GPI: variants seen among roughly 807,000 people sequenced by gnomAD.
GPI encodes the protein glucose-6-phosphate isomerase, also known as D-hexose-6-phosphate anomerase.
In GPI, 56 loss-of-function variants were observed where a neutral mutation model predicts 75.8. That is an observed-to-expected ratio of 0.74 (90% CI 0.60 to 0.92). The LOEUF (loss-of-function observed/expected upper bound fraction) is 0.92. Ranked by LOEUF, GPI falls within the 40% of genes least tolerant of loss-of-function variation. GPI has a pLI of 0.00. For synonymous variants in GPI, 288 were observed against 285.4 expected (o/e 1.01, Z -0.09); for missense variants, 638 against 741.0 (o/e 0.86, Z 1.61).
chr19:34,378,894 C>G (rs770603714), intron 6 of GPI, 40 bp from the exon 7 acceptor site: 2 of 1,535,234 alleles, frequency 1.3e-6, no homozygotes, highest in African/African-American at 2.7e-5. Flanking sequence ...TGCACCCACC[C>G]CTAAGCTCGG....
chr19:34,364,310 A>T (rs1392224844), upstream of GPI, among the ~76,000 whole-genome samples: 1 of 151,744 alleles, frequency 6.6e-6, no homozygotes, highest in Non-Finnish European at 1.5e-5. Flanking sequence ...AGGAGTGCCC[A>T]GCCCCAGAGT....
At chr19:34,363,969 C>T (rs934535281), upstream of GPI, among the ~76,000 whole-genome samples, 1 of 152,168 alleles carries the variant, frequency 6.6e-6, no homozygotes, top group Non-Finnish European at 1.5e-5. Context: ...CCTGGAAAGT[C>T]CTGTGACCCC....
At position 34,399,927 on chromosome 19, in the gene GPI, A is replaced by G. The variant is rs533633100; in HGVS notation, c.1568A>G (p.Lys523Arg). 6.2e-7 allele frequency: 1 copy of G among 1,613,986 alleles called. No individual in the cohort carries two copies. The highest frequency in any genetic ancestry group is 8.5e-7 in the Non-Finnish European group (1 of 1,179,986). Residue 523 changes from lysine (K) to arginine (R), a missense_variant, in exon 18 of 18, where the codon AAG (lysine) becomes AGG (arginine). Physicochemically the swap from Lys to Arg is conservative, Grantham distance 26. Transcript: ENST00000356487. ...GTGGAGCTGGGAAAGCAGCTGGCTA[A>G]GAAAATAGAGCCTGAGCTTGATGGC... Reference protein sequence around the residue: ...WGVELGKQLAKKIEPELDGSA... With the variant: ...WGVELGKQLARKIEPELDGSA...
chr19:34,399,878 C>T (rs1479155829), intron 17 of GPI, 23 bp from the exon 18 acceptor site: 11 of 1,610,150 alleles, frequency 6.8e-6, no homozygotes, highest in Non-Finnish European at 9.3e-6. Flanking sequence ...TACCACTCTT[C>T]CCTTCCCTTC....
At chr19:34,369,149 AG>A (rs1485332255) in intron 4 of GPI, among the ~76,000 whole-genome samples, 12 of 151,714 alleles carry the variant, frequency 7.9e-5, no homozygotes. Context: ...CCTGGATTCA[AG>A]CTATTCTCCT....
intron 9 of GPI, 186 bp downstream of exon 9, chr19:34,381,705 C>T: frequency 1.5e-6 from 1 of 664,268 alleles, no homozygotes; most frequent in Non-Finnish European, 2.7e-6. Context: ...GAGGGCTCCA[C>T]TTCCACCTGA....
intron 9 of GPI, among the ~76,000 whole-genome samples, chr19:34,384,016 G>C (rs1199625485): frequency 6.6e-6 from 1 of 152,206 alleles, no homozygotes; most frequent in Admixed American, 6.5e-5. Flanking sequence ...TGGGTTTCTA[G>C]GGGAGGCCTG....
At position 34,394,720 on chromosome 19, in the gene GPI, C is replaced by CT. The variant is rs905606438; in HGVS notation, c.1062+666dup. Among the ~76,000 whole-genome samples the CT allele has an allele frequency of 3.7e-3, 537 of 144,680 alleles. 1 individual carries two copies. The highest frequency in any genetic ancestry group is 0.011 in the African/African-American group (434 of 39,650). 94.9% of individuals were successfully genotyped at this position (144,680 alleles called of 152,430 possible). On this transcript the variant is annotated intron_variant, in intron 12 of 17. Transcript: ENST00000356487. ...GAAAGCTTTTCCACACCTGTCCCTGCTTTTTTTTTTTTGAACAGATTCTCA... is the reference window on the plus strand; with the variant it reads ...GAAAGCTTTTCCACACCTGTCCCTGCTTTTTTTTTTTTTGAACAGATTCTCA...
upstream of GPI, among the ~76,000 whole-genome samples, chr19:34,361,924 G>A (rs1451339586): frequency 6.6e-6 from 1 of 152,004 alleles, no homozygotes; most frequent in Admixed American, 6.6e-5. Flanking sequence ...AGACCATCCT[G>A]GTCAACACAG....
intron 9 of GPI, among the ~76,000 whole-genome samples, chr19:34,385,761 TA>T (rs1440307580): frequency 6.6e-6 from 1 of 151,436 alleles, no homozygotes; most frequent in South Asian, 2.1e-4. Flanking sequence ...CACATGCAGG[TA>T]GGGGGTGCTG....
chr19:34,385,364 A>C (rs2074718986), intron 9 of GPI, among the ~76,000 whole-genome samples: 1 of 151,618 alleles, frequency 6.6e-6, no homozygotes, highest in South Asian at 2.1e-4. Flanking sequence ...AAAAAACAAA[A>C]AAAAAAAAAA....
chr19:34,382,886 G>A lies in GPI; in HGVS notation c.804+1367G>A, dbSNP rs8191396. ...TGGGCCAGGCTAGACAGCCCACAAC[G>A]GCTGGAGGAGGGACCTGCCTGAGTT... On this transcript the variant is annotated intron_variant, in intron 9 of 17. Coordinates refer to ENST00000356487, the MANE Select transcript of GPI (RefSeq NM_000175.5). 3.7e-3 allele frequency among the ~76,000 whole-genome samples: 568 copies of A among 152,286 alleles called. 6 individuals are homozygous for A. The highest frequency in any genetic ancestry group is 0.013 in the African/African-American group (550 of 41,550).
At chr19:34,360,942 T>A (rs2145302137), upstream of GPI, among the ~76,000 whole-genome samples, 1 of 152,118 alleles carries the variant, frequency 6.6e-6, no homozygotes, top group South Asian at 2.1e-4. Context: ...CACGCCTGGC[T>A]AATTTTTGTA....
intron 4 of GPI, among the ~76,000 whole-genome samples, chr19:34,373,781 A>C (rs953425996): frequency 6.6e-6 from 1 of 152,084 alleles, no homozygotes; most frequent in African/African-American, 2.4e-5. Flanking sequence ...TGAAGGCTTC[A>C]TGGGGGTTGG....
chr19:34,381,154 G>T, intron 8 of GPI: 1 of 464,878 alleles, frequency 2.2e-6, no homozygotes, highest in Non-Finnish European at 4.0e-6. Flanking sequence ...GGCAGGCCTG[G>T]GTGAGAGCTG....
chr19:34,393,035 G>C lies in GPI; in HGVS notation c.805-213G>C. Reference sequence around the variant, plus strand: ...AGGGAAGACCACGGTAAGCTCTTCAGTTTGTCTTGTGGCTGTGGTCAGTCA... The same window carrying C: ...AGGGAAGACCACGGTAAGCTCTTCACTTTGTCTTGTGGCTGTGGTCAGTCA... On this transcript the variant is annotated intron_variant, in intron 9 of 17. Coordinates refer to ENST00000356487, the MANE Select transcript of GPI (RefSeq NM_000175.5). This position sits in a 1 kb window ranked among gnomAD's most constrained non-coding sequence, Gnocchi z 4.4. 1.6e-6 allele frequency: 1 copy of C among 617,526 alleles called. No homozygotes were observed. The highest frequency in any genetic ancestry group is 2.9e-6 in the Non-Finnish European group (1 of 339,426). 38.3% of individuals were successfully genotyped at this position (617,526 alleles called of 1,614,324 possible).
At chr19:34,362,610 CAACTG>C (rs1487189139), upstream of GPI, among the ~76,000 whole-genome samples, 1 of 152,138 alleles carries the variant, frequency 6.6e-6, no homozygotes, top group African/African-American at 2.4e-5. Context: ...TTGTGAATGA[CAACTG>C]AACTCCAAAC....
rs367645332 is a variant in GPI at position 34,393,815 on chromosome 19, G to A, written c.909+44G>A. On this transcript the variant is annotated intron_variant, in intron 11 of 17. Transcript: ENST00000356487. The surrounding 1 kb of genome is among the most constrained non-coding windows in gnomAD (Gnocchi z 4.4). ...TCTCTGCCAAGTGCTGGCCAGAGGC[G>A]CGTGTGTTGGTCCTGGTCCCCCGCT... The A allele has an allele frequency of 1.6e-5, 26 of 1,608,316 alleles. No individual in the cohort carries two copies. Among genetic ancestry groups the A allele is most frequent in the East Asian group, 4.5e-5 (2 of 44,864 alleles).
chr19:34,391,574 G>T (rs2145410360), intron 9 of GPI, among the ~76,000 whole-genome samples: 1 of 3,116 alleles, frequency 3.2e-4, no homozygotes, highest in East Asian at 6.7e-3. Flanking sequence ...GAGAATCCGG[G>T]TCTGTCCATG....
Sources: gnomAD v4.1 joint callset for allele counts (sites outside exome capture counted in the v4.1 genomes callset) on GRCh38, gnomAD v4.1.1 for gene constraint, Gnocchi (gnomAD v3.1) non-coding constraint, MANE v1.5 for transcripts, NCBI Gene and HGNC (gene_info 2026-07-23, HGNC 2026-07-21) for gene names.